LRRK1: variants seen among roughly 807,000 people sequenced by gnomAD.
LRRK1 encodes leucine rich repeat kinase 1, also known as leucine-rich repeat serine/threonine-protein kinase 1.
LRRK1 carries 113 observed loss-of-function variants against 209.1 expected under a neutral mutation model. The observed-to-expected ratio is 0.54, with a 90% CI of 0.46 to 0.63. The LOEUF (loss-of-function observed/expected upper bound fraction) is 0.63, where lower values mean the gene tolerates loss of function less well. LRRK1 is among the 30% of genes least tolerant of loss of function. The pLI, the probability that LRRK1 is intolerant of heterozygous loss-of-function variation, is 0.00. For synonymous variants in LRRK1, 1,144 were observed against 1,099.7 expected, an observed-to-expected ratio of 1.04 and a Z score of -0.80; for missense variants, 2,284 against 2,632.2, an observed-to-expected ratio of 0.87 and a Z score of 2.89.
intron 6 of LRRK1, among the ~76,000 whole-genome samples, chr15:101,008,565 C>T (rs1341217065): frequency 2.6e-5 from 4 of 151,808 alleles, no homozygotes; most frequent in Non-Finnish European, 4.4e-5. Context: ...TGAGCCCGCG[C>T]CCACCGGCGC....
intron 2 of LRRK1, among the ~76,000 whole-genome samples, chr15:100,931,673 A>G (rs2042214799): frequency 6.6e-6 from 1 of 152,148 alleles, no homozygotes; most frequent in Non-Finnish European, 1.5e-5. Context: ...GGGCTCCTCC[A>G]GTCATTCTGC....
intron 4 of LRRK1, among the ~76,000 whole-genome samples, chr15:100,985,396 C>A (rs1047116898): frequency 3.3e-5 from 5 of 152,070 alleles, no homozygotes; most frequent in African/African-American, 1.2e-4. Context: ...CTGTGTAGAA[C>A]GTGAGAGACA....
At chr15:101,010,937 C>A in intron 9 of LRRK1, 100 bp downstream of exon 9, 1 of 1,065,772 alleles carries the variant, frequency 9.4e-7, no homozygotes, top group Non-Finnish European at 1.3e-6. Flanking sequence ...ATCCCCTCAG[C>A]AGCGAAGCCG....
Position 101,052,909 on chromosome 15 carries a change from G to A in LRRK1, c.3690-13G>A. On this transcript the variant is annotated splice_polypyrimidine_tract_variant and intron_variant, in intron 24 of 33. Transcript: ENST00000388948. ...GCGGGGGGGATGTGGCTGATGCCGG[G>A]CGTGTGTGGCAGGCTCTTCCTGGAG... 6.2e-7 allele frequency: 1 copy of A among 1,600,450 alleles called. No homozygotes were observed. Among genetic ancestry groups the A allele is most frequent in the Non-Finnish European group, 8.5e-7 (1 of 1,169,596 alleles).
At chr15:101,062,308 G>T (rs1879755821) in intron 30 of LRRK1, 1 of 372,568 alleles carries the variant, frequency 2.7e-6, no homozygotes, top group Admixed American at 4.1e-5. Flanking sequence ...CTTCTGAGAG[G>T]CTGTGCCCCC....
intron 24 of LRRK1, among the ~76,000 whole-genome samples, chr15:101,052,467 C>A (rs1019736936): frequency 5.9e-4 from 87 of 147,830 alleles, no homozygotes; most frequent in African/African-American, 2.1e-3. Context: ...CCTTCTTTGT[C>A]AAACGCTGAC....
chr15:100,941,332 GTCTCTGTGTGTGTCTT>G (rs2042408849), intron 2 of LRRK1, among the ~76,000 whole-genome samples: 1 of 133,120 alleles, frequency 7.5e-6, no homozygotes, highest in Non-Finnish European at 1.6e-5. Flanking sequence ...GTGTGTCTGT[GTCTCTGTGTGTGTCTT>G]TGTGTGTGTG....
rs113605793 is a variant in LRRK1 at position 101,070,304 on chromosome 15, C to G, written c.*1456C>G. 6.9e-6 allele frequency: 1 copy of G among 145,796 alleles called. No individual in the cohort carries two copies. Among genetic ancestry groups the G allele is most frequent in the East Asian group, 2.0e-4 (1 of 5,054 alleles). 9.0% of individuals were successfully genotyped at this position (145,796 alleles called of 1,614,324 possible). On this transcript the variant is annotated 3_prime_UTR_variant, in exon 34 of 34. Transcript: ENST00000388948. Reference sequence around the variant, plus strand: ...CAGGCTTGGAAAAAGCGAGTCCCCCCACTCTTTTTTTTTTTTTTTTTTTTT... The same window carrying G: ...CAGGCTTGGAAAAAGCGAGTCCCCCGACTCTTTTTTTTTTTTTTTTTTTTT...
chr15:100,983,458 T>C, intron 3 of LRRK1, 70 bp from the exon 4 acceptor site: 1 of 1,440,018 alleles, frequency 6.9e-7, no homozygotes, highest in Non-Finnish European at 9.4e-7. Flanking sequence ...TGGTGAAGGG[T>C]TTAACGTCAG....
rs963569552 is a variant in LRRK1 at position 101,073,509 on chromosome 15, G to A, written c.*4661G>A. On this transcript the variant is annotated 3_prime_UTR_variant, in exon 34 of 34. Transcript: ENST00000388948. ...CCCCCAACCCCTTCTCCTTCACCCT[G>A]AGCGGCAAGTCCCGCTTTTCTAGAG... is the stretch of plus-strand genomic sequence containing the variant. 13 of 150,464 alleles carry A rather than the reference G, an allele frequency of 8.6e-5. No individual in the cohort carries two copies. Among genetic ancestry groups the A allele is most frequent in the Middle Eastern group, 3.6e-3 (1 of 278 alleles). The allele number at this position is 150,464 out of a possible 1,614,324, so 9.3% of individuals were successfully genotyped here. A position where few individuals can be genotyped will look rare whatever the true frequency, so the allele number is the denominator to read the frequency against.
At chr15:101,037,627 T>A (rs2034544856) in intron 20 of LRRK1, among the ~76,000 whole-genome samples, 1 of 152,162 alleles carries the variant, frequency 6.6e-6, no homozygotes, top group South Asian at 2.1e-4. Flanking sequence ...GGCAACAGAT[T>A]AGGCTGGTGG....
intron 31 of LRRK1, chr15:101,064,879 G>GGC (rs1044479464): frequency 2.5e-4 from 42 of 170,260 alleles, no homozygotes; most frequent in Non-Finnish European, 5.2e-4. Context: ...CTGCCTGGTG[G>GGC]GGGGGGTGGC....
rs1366577662 is a variant in LRRK1, at chr15:101,027,364, C to T, written c.2509C>T (p.Arg837Ter). The T allele has an allele frequency of 2.7e-5, 44 of 1,613,536 alleles. No individual in the cohort carries two copies. The highest frequency in any genetic ancestry group is 3.6e-5 in the Non-Finnish European group (42 of 1,179,944). The change falls in exon 18 of 34, where the codon CGA (arginine) becomes TGA (stop). Residue 837 changes from arginine to a stop codon, truncating the protein, a stop_gained. Coordinates refer to ENST00000388948, the MANE Select transcript of LRRK1 (RefSeq NM_024652.6). LOFTEE classifies it high-confidence loss of function. The surrounding 1 kb of genome is among the most constrained non-coding windows in gnomAD (Gnocchi z 5.1). ...KDVGSTIGCQ[R>*]LAGRLIPRSY... is the part of the protein sequence containing the mutation. The stretch of plus-strand genomic sequence containing the variant: ...CGTGGGCAGCACCATCGGCTGCCAG[C>T]GACTGGCAGGGCGGCTGGTGGGTAC...
At chr15:101,039,666 G>T (rs1042302773) in intron 20 of LRRK1, among the ~76,000 whole-genome samples, 2 of 152,136 alleles carry the variant, frequency 1.3e-5, no homozygotes, top group Admixed American at 6.5e-5. Flanking sequence ...GTGATCTCAG[G>T]GGGGAAGCAT....
intron 6 of LRRK1, among the ~76,000 whole-genome samples, chr15:100,989,900 A>T (rs1319993913): frequency 1.3e-5 from 2 of 151,862 alleles, no homozygotes; most frequent in Non-Finnish European, 2.9e-5. Context: ...AAATTGGTTA[A>T]ATATATCATA....
At chr15:101,010,081 C>T (rs1014558580) in intron 7 of LRRK1, among the ~76,000 whole-genome samples, 1 of 152,170 alleles carries the variant, frequency 6.6e-6, no homozygotes, top group Non-Finnish European at 1.5e-5. Flanking sequence ...AAGCAAGTGC[C>T]GTCCAAGTGA....
intron 2 of LRRK1, among the ~76,000 whole-genome samples, chr15:100,933,155 C>G (rs1464226568): frequency 6.6e-6 from 1 of 152,248 alleles, no homozygotes; most frequent in Non-Finnish European, 1.5e-5. Context: ...CTCCTGCGAT[C>G]TCAATTGGAA....
At chr15:100,947,786 C>G (rs2042570094) in intron 2 of LRRK1, among the ~76,000 whole-genome samples, 1 of 152,062 alleles carries the variant, frequency 6.6e-6, no homozygotes, top group Non-Finnish European at 1.5e-5. Context: ...TGTGCCTATG[C>G]AGAAGAACTT....
intron 2 of LRRK1, among the ~76,000 whole-genome samples, chr15:100,948,254 C>G (rs1015456437): frequency 6.6e-6 from 1 of 152,226 alleles, no homozygotes; most frequent in African/African-American, 2.4e-5. Context: ...CTCGGCACCC[C>G]TTCCCTGCCT....
Sources: allele counts gnomAD v4.1 joint callset (sites outside exome capture counted in the v4.1 genomes callset), GRCh38; gene constraint gnomAD v4.1.1; non-coding constraint Gnocchi (gnomAD v3.1); transcripts MANE v1.5; gene names NCBI Gene and HGNC (gene_info 2026-07-23, HGNC 2026-07-21).